The following MCCC1 variants were observed in gnomAD, a reference collection of about 807,000 sequenced individuals.
MCCC1 encodes the protein methylcrotonyl-CoA carboxylase subunit 1, also known as methylcrotonoyl-CoA carboxylase subunit alpha, mitochondrial.
MCCC1 carries 64 observed loss-of-function variants against 83.8 expected under a neutral mutation model. The ratio of observed to expected loss-of-function variants is 0.76; its 90% CI spans 0.62 to 0.94. The LOEUF (loss-of-function observed/expected upper bound fraction) is 0.94. Ranked by LOEUF, MCCC1 falls within the 40% of genes least tolerant of loss-of-function variation. MCCC1 has a pLI of 0.00. For synonymous variants in MCCC1, 322 were observed against 315.4 expected (o/e 1.02, Z -0.22); for missense variants, 807 against 904.7 (o/e 0.89, Z 1.39).
upstream of MCCC1, among the ~76,000 whole-genome samples, chr3:183,103,750 T>C (rs1301391442): frequency 6.6e-6 from 1 of 152,196 alleles, no homozygotes; most frequent in South Asian, 2.1e-4. Context: ...GCGCCCGCAC[T>C]CCTCAGCCCT....
At chr3:183,078,583 T>C (rs1717254985) in intron 4 of MCCC1, among the ~76,000 whole-genome samples, 1 of 152,224 alleles carries the variant, frequency 6.6e-6, no homozygotes, top group African/African-American at 2.4e-5. Flanking sequence ...TTTCAGTAAA[T>C]ATGTCTTGAA....
chr3:183,045,603 C>T (rs1714492907), intron 9 of MCCC1, 63 bp from the exon 10 acceptor site: 1 of 1,563,776 alleles, frequency 6.4e-7, no homozygotes, highest in Non-Finnish European at 8.8e-7. Flanking sequence ...CCAAAATCTT[C>T]CATGATGCAT....
rs1716123102 is a variant in MCCC1, at chr3:183,064,738, G to A, written c.761+6261C>T. ...GCTGTTCGCGGGCAGCCGGCTCCGTGGACAGCAGGGCGAAGCGGGTAATGT... is the reference window on the plus strand; with the variant it reads ...GCTGTTCGCGGGCAGCCGGCTCCGTAGACAGCAGGGCGAAGCGGGTAATGT... On this transcript the variant is annotated intron_variant, in intron 7 of 18. Transcript: ENST00000265594. The surrounding 1 kb of genome is among the most constrained non-coding windows in gnomAD (Gnocchi z 4.5). Among the ~76,000 whole-genome samples the A allele has an allele frequency of 1.3e-5, 2 of 152,234 alleles. No homozygotes were observed. The highest frequency in any genetic ancestry group is 2.9e-5 in the Non-Finnish European group (2 of 68,032).
chr3:183,021,047 A>G (rs577835523), intron 16 of MCCC1, among the ~76,000 whole-genome samples: 15 of 152,268 alleles, frequency 9.9e-5, no homozygotes, highest in Middle Eastern at 6.8e-3. Flanking sequence ...ACAACAGAGC[A>G]AGACTCCATC....
intron 9 of MCCC1, among the ~76,000 whole-genome samples, chr3:183,048,651 A>C (rs1714731894): frequency 6.6e-6 from 1 of 152,252 alleles, no homozygotes; most frequent in Non-Finnish European, 1.5e-5. Flanking sequence ...TTACAGTTGG[A>C]GACTTTAACA....
chr3:183,017,213 A>C, intron 18 of MCCC1, 53 bp downstream of exon 18: 1 of 1,449,260 alleles, frequency 6.9e-7, no homozygotes, highest in Non-Finnish European at 9.7e-7. Context: ...AAGAACCATT[A>C]GGTATGATTG....
intron 3 of MCCC1, among the ~76,000 whole-genome samples, chr3:183,088,302 G>A (rs1000306663): frequency 2.0e-5 from 3 of 151,706 alleles, no homozygotes; most frequent in Admixed American, 1.3e-4. Flanking sequence ...TGCCTCCCGG[G>A]TTCGAGCGAT....
At chr3:183,047,279 C>CA (rs1222226394) in intron 9 of MCCC1, among the ~76,000 whole-genome samples, 1 of 152,070 alleles carries the variant, frequency 6.6e-6, no homozygotes, top group Non-Finnish European at 1.5e-5. Flanking sequence ...AAAAACATAC[C>CA]AGGAAGCACT....
At chr3:183,091,348 A>C (rs1718318702) in intron 3 of MCCC1, among the ~76,000 whole-genome samples, 1 of 152,222 alleles carries the variant, frequency 6.6e-6, no homozygotes, top group East Asian at 1.9e-4. Flanking sequence ...TGGGTGGATC[A>C]CTTGAGGCCA....
chr3:183,053,331 TA>T (rs1200275714), intron 8 of MCCC1, among the ~76,000 whole-genome samples: 1 of 151,082 alleles, frequency 6.6e-6, no homozygotes, highest in African/African-American at 2.4e-5. Flanking sequence ...TCTACAAAAA[TA>T]AAAAAATTGG....
chr3:183,053,391 G>A (rs1196184026), intron 8 of MCCC1, among the ~76,000 whole-genome samples: 1 of 152,134 alleles, frequency 6.6e-6, no homozygotes, highest in Non-Finnish European at 1.5e-5. Context: ...AGGAGGCTGA[G>A]GTGGGAGGAT....
intron 4 of MCCC1, among the ~76,000 whole-genome samples, chr3:183,079,142 C>T (rs1372946604): frequency 6.6e-6 from 1 of 152,192 alleles, no homozygotes; most frequent in African/African-American, 2.4e-5. Flanking sequence ...CTCATCCCTC[C>T]TAAATCTCAT....
chr3:183,107,539 T>TATTATTA (rs1491244816), intron 1 of MCCC1, among the ~76,000 whole-genome samples: 10 of 149,600 alleles, frequency 6.7e-5, no homozygotes, highest in Admixed American at 2.6e-4. Flanking sequence ...TATTATTTGT[T>TATTATTA]GTTGTTGTTG....
At chr3:183,034,591 T>C (rs1352635931) in intron 13 of MCCC1, among the ~76,000 whole-genome samples, 1 of 152,186 alleles carries the variant, frequency 6.6e-6, no homozygotes, top group African/African-American at 2.4e-5. Context: ...CTAGCTTCTA[T>C]TGAAGAATCT....
At chr3:183,042,620 G>T (rs958645881) in intron 10 of MCCC1, among the ~76,000 whole-genome samples, 2 of 151,236 alleles carry the variant, frequency 1.3e-5, no homozygotes, top group African/African-American at 4.9e-5. Flanking sequence ...AGATCAGGAT[G>T]CACAGCAGTT....
chr3:183,042,802 C>T (rs1182348009), intron 10 of MCCC1, among the ~76,000 whole-genome samples: 1 of 152,202 alleles, frequency 6.6e-6, no homozygotes, highest in African/African-American at 2.4e-5. Flanking sequence ...GTCTGGCATA[C>T]AGTCAGCACT....
At chr3:183,106,095 AAG>A (rs1553872642) in intron 1 of MCCC1, among the ~76,000 whole-genome samples, 1 of 151,316 alleles carries the variant, frequency 6.6e-6, no homozygotes, top group African/African-American at 2.4e-5. Flanking sequence ...AAAAAAAAAA[AAG>A]ACTACCAAAA....
chr3:183,048,258 T>A (rs1714701540), intron 9 of MCCC1, among the ~76,000 whole-genome samples: 1 of 152,164 alleles, frequency 6.6e-6, no homozygotes. Context: ...AAAACAATAA[T>A]AAATATGGTA....
upstream of MCCC1, among the ~76,000 whole-genome samples, chr3:183,101,332 C>A (rs947656144): frequency 1.3e-5 from 2 of 152,250 alleles, no homozygotes; most frequent in Non-Finnish European, 2.9e-5. Context: ...AGCCCCGGTG[C>A]GGGATCCACT....
Sources: gnomAD v4.1 joint callset for allele counts (sites outside exome capture counted in the v4.1 genomes callset) on GRCh38, gnomAD v4.1.1 for gene constraint, Gnocchi (gnomAD v3.1) non-coding constraint, MANE v1.5 for transcripts, NCBI Gene and HGNC (gene_info 2026-07-23, HGNC 2026-07-21) for gene names.